Variants in DPP10 observed in about 807,000 individuals in gnomAD.
The protein encoded by DPP10 is dipeptidyl peptidase like 10, also known as inactive dipeptidyl peptidase 10.
DPP10 carries 33 observed loss-of-function variants against 120.9 expected under a neutral mutation model. The observed-to-expected ratio is 0.27, with a 90% CI of 0.21 to 0.37. The LOEUF is 0.37. Ranked by LOEUF, DPP10 falls within the 10% of genes least tolerant of loss-of-function variation. The probability of loss-of-function intolerance (pLI) is 1.00; values close to 1 mark genes in which losing one functional copy is unlikely to be tolerated. For missense variants in DPP10, 816 were observed against 942.8 expected, an observed-to-expected ratio of 0.87 and a Z score of 1.76; for synonymous variants, 337 against 326.1, an observed-to-expected ratio of 1.03 and a Z score of -0.36.
intron 3 of DPP10, among the ~76,000 whole-genome samples, chr2:115,433,297 G>A (rs1486259256): frequency 6.6e-6 from 1 of 151,966 alleles, no homozygotes; most frequent in Admixed American, 6.6e-5. Context: ...ATTTAGGTGG[G>A]TGTTCTATAT....
intron 3 of DPP10, among the ~76,000 whole-genome samples, chr2:115,408,177 C>T (rs1243395966): frequency 2.0e-5 from 3 of 151,946 alleles, no homozygotes; most frequent in Non-Finnish European, 2.9e-5. Context: ...CTGCTCTTAC[C>T]CACATATGCC....
At chr2:114,798,244 G>A (rs116512019) in intron 1 of DPP10, among the ~76,000 whole-genome samples, 1 of 151,996 alleles carries the variant, frequency 6.6e-6, no homozygotes, top group Non-Finnish European at 1.5e-5. Flanking sequence ...TGAAATATGA[G>A]GAACACCTGA....
At chr2:115,350,486 A>G (rs1399769940) in intron 3 of DPP10, among the ~76,000 whole-genome samples, 2 of 152,082 alleles carry the variant, frequency 1.3e-5, no homozygotes, top group East Asian at 3.9e-4. Context: ...TTTGAAATTC[A>G]AACCTAACAA....
chr2:115,402,854 A>AATATATATATATATAT (rs757052503), intron 3 of DPP10, among the ~76,000 whole-genome samples: 5 of 97,638 alleles, frequency 5.1e-5, no homozygotes, highest in African/African-American at 2.0e-4. Flanking sequence ...AAAAAAAAAA[A>AATATATATATATATAT]ATATATATAT....
intron 1 of DPP10, among the ~76,000 whole-genome samples, chr2:114,654,310 A>C (rs1026114608): frequency 6.6e-6 from 1 of 152,148 alleles, no homozygotes; most frequent in African/African-American, 2.4e-5. Flanking sequence ...TTTGACCCCC[A>C]TCGTTGTCTT....
chr2:114,591,554 A>ATTTTTTTTTTTTTTT (rs70937292), intron 1 of DPP10, among the ~76,000 whole-genome samples: 2 of 124,568 alleles, frequency 1.6e-5, no homozygotes. Context: ...ACCTCTTCCT[A>ATTTTTTTTTTTTTTT]TTTTTTTTTT....
intron 1 of DPP10, among the ~76,000 whole-genome samples, chr2:114,462,728 C>G (rs1679032830): frequency 6.6e-6 from 1 of 152,202 alleles, no homozygotes; most frequent in Non-Finnish European, 1.5e-5. Context: ...ACCATACTCT[C>G]TGGCAGCAAT....
intron 1 of DPP10, among the ~76,000 whole-genome samples, chr2:114,876,116 A>T (rs934456166): frequency 6.6e-6 from 1 of 152,142 alleles, no homozygotes; most frequent in Non-Finnish European, 1.5e-5. Context: ...TATAAAATAG[A>T]GAATATAGTA....
chr2:115,091,887 A>G (rs986490422), intron 1 of DPP10, among the ~76,000 whole-genome samples: 1 of 152,200 alleles, frequency 6.6e-6, no homozygotes, highest in African/African-American at 2.4e-5. Flanking sequence ...AGCTGAAAAT[A>G]GTCACAGTGG....
intron 2 of DPP10, among the ~76,000 whole-genome samples, chr2:115,315,740 TCAA>T (rs2061762494): frequency 6.6e-6 from 1 of 152,162 alleles, no homozygotes; most frequent in African/African-American, 2.4e-5. Context: ...CTTGTTTTTT[TCAA>T]CAACAGCACA....
intron 3 of DPP10, among the ~76,000 whole-genome samples, chr2:115,374,526 G>A (rs947033882): frequency 2.6e-5 from 4 of 152,200 alleles, no homozygotes; most frequent in Admixed American, 6.5e-5. Context: ...TTTTCTCACA[G>A]CTCCACCAGG....
intron 1 of DPP10, among the ~76,000 whole-genome samples, chr2:114,553,551 G>T (rs1487806592): frequency 1.3e-5 from 2 of 152,166 alleles, no homozygotes; most frequent in African/African-American, 4.8e-5. Context: ...TTCAAGAGAG[G>T]CGAGTGGTTT....
intron 1 of DPP10, among the ~76,000 whole-genome samples, chr2:115,246,915 G>T (rs1313138102): frequency 1.3e-5 from 2 of 152,134 alleles, no homozygotes; most frequent in Non-Finnish European, 2.9e-5. Flanking sequence ...CAGTGAGTGA[G>T]GGTGTATTTG....
chr2:115,758,595 G>A (rs1385318608), intron 11 of DPP10, among the ~76,000 whole-genome samples: 9 of 151,842 alleles, frequency 5.9e-5, no homozygotes, highest in Admixed American at 5.9e-4. Context: ...AAACAGACAA[G>A]CTGTTTTTAA....
chr2:114,613,615 A>T (rs1402933593), intron 1 of DPP10, among the ~76,000 whole-genome samples: 1 of 152,152 alleles, frequency 6.6e-6, no homozygotes, highest in Non-Finnish European at 1.5e-5. Context: ...TTTACTGGGT[A>T]TATACCCAAA....
At chr2:115,218,154 A>T (rs1372978675) in intron 1 of DPP10, among the ~76,000 whole-genome samples, 2 of 152,188 alleles carry the variant, frequency 1.3e-5, no homozygotes, top group Non-Finnish European at 2.9e-5. Context: ...TTCTCAATAC[A>T]GTTTCTTGAC....
intron 1 of DPP10, among the ~76,000 whole-genome samples, chr2:114,511,093 T>C (rs1684109166): frequency 6.6e-6 from 1 of 152,158 alleles, no homozygotes; most frequent in Non-Finnish European, 1.5e-5. Context: ...GGACTAACAA[T>C]TCAATCTTAT....
Position 115,014,983 on chromosome 2 carries a change from C to T in DPP10, c.61-294256C>T, listed in dbSNP as rs190423776. On this transcript the variant is annotated intron_variant, in intron 1 of 25. Transcript: ENST00000410059. ...TCCAATCAATAGAAAAAGAGGGAATCGGCCCTAACTCATTTTATGAGGCCA... is the reference window on the plus strand; with the variant it reads ...TCCAATCAATAGAAAAAGAGGGAATTGGCCCTAACTCATTTTATGAGGCCA... Among the ~76,000 whole-genome samples, 598 of 152,036 alleles carry T rather than the reference C, an allele frequency of 3.9e-3. 2 individuals carry two copies. The highest frequency in any genetic ancestry group is 7.1e-3 in the Non-Finnish European group (486 of 67,998).
chr2:115,053,911 A>T (rs1051418215), intron 1 of DPP10, among the ~76,000 whole-genome samples: 2 of 152,192 alleles, frequency 1.3e-5, no homozygotes, highest in African/African-American at 4.8e-5. Context: ...TAGCTTATTG[A>T]CTTACAAATA....
Sources: allele counts gnomAD v4.1 joint callset (sites outside exome capture counted in the v4.1 genomes callset), GRCh38; gene constraint gnomAD v4.1.1; transcripts MANE v1.5; gene names NCBI Gene and HGNC (gene_info 2026-07-23, HGNC 2026-07-21).